NR3C1: variants seen among roughly 807,000 people sequenced by gnomAD.
NR3C1 encodes the protein nuclear receptor subfamily 3 group C member 1, also known as glucocorticoid receptor.
In NR3C1, 14 loss-of-function variants were observed where a neutral mutation model predicts 74.0. That is an observed-to-expected ratio of 0.19 (90% CI 0.12 to 0.30). The LOEUF is 0.30. Among genes scored for constraint, NR3C1 ranks in the 10% least tolerant of loss-of-function variants. The probability of loss-of-function intolerance (pLI) is 1.00; values close to 1 mark genes in which losing one functional copy is unlikely to be tolerated. For synonymous variants in NR3C1, 308 were observed against 332.5 expected (o/e 0.93, Z 0.80); for missense variants, 695 against 909.8 (o/e 0.76, Z 3.04).
At chr5:143,303,458 C>T (rs892673670) in intron 4 of NR3C1, among the ~76,000 whole-genome samples, 2 of 151,892 alleles carry the variant, frequency 1.3e-5, no homozygotes, top group African/African-American at 2.4e-5. Flanking sequence ...TTAAAAAAAG[C>T]CCTTGACCAG....
chr5:143,313,365 C>T (rs141133990), intron 3 of NR3C1, among the ~76,000 whole-genome samples: 6 of 152,274 alleles, frequency 3.9e-5, no homozygotes, highest in South Asian at 2.1e-4. Flanking sequence ...AAATCAGTTT[C>T]TCTAAAATAC....
At chr5:143,394,691 T>C (rs1471434342) in intron 2 of NR3C1, among the ~76,000 whole-genome samples, 1 of 151,958 alleles carries the variant, frequency 6.6e-6, no homozygotes, top group Non-Finnish European at 1.5e-5. Flanking sequence ...ACAACATAAC[T>C]CAAAAATTAG....
At position 143,332,767 on chromosome 5, in the gene NR3C1, T is replaced by C. The variant is rs200295691; in HGVS notation, c.1185-18599A>G. On this transcript the variant is annotated intron_variant, in intron 2 of 8. Coordinates refer to ENST00000394464, the MANE Select transcript of NR3C1 (RefSeq NM_000176.3). The stretch of plus-strand genomic sequence containing the variant: ...CCAGATAAACATTCCTTGGCCTTTG[T>C]TGTACGCATCGAAAGGATTGATGGC... The C allele has an allele frequency of 1.0e-4, 165 of 1,586,250 alleles. 1 individual carries two copies. The East Asian group carries it at 3.5e-3, about 34-fold the overall frequency.
At chr5:143,432,560 G>C (rs1017217446) in intron 1 of NR3C1, among the ~76,000 whole-genome samples, 2 of 152,152 alleles carry the variant, frequency 1.3e-5, no homozygotes, top group East Asian at 1.9e-4. Context: ...TCTTTAAAAG[G>C]CTGAGGTAAA....
At chr5:143,428,806 G>A (rs868627519) in intron 1 of NR3C1, among the ~76,000 whole-genome samples, 8 of 152,182 alleles carry the variant, frequency 5.3e-5, no homozygotes, top group African/African-American at 1.9e-4. Context: ...GCAAAGCAAT[G>A]TGAGTGGGGG....
chr5:143,366,201 T>G (rs1833140103), intron 2 of NR3C1, among the ~76,000 whole-genome samples: 1 of 150,290 alleles, frequency 6.7e-6, no homozygotes, highest in Non-Finnish European at 1.5e-5. Flanking sequence ...AACAATAGAG[T>G]AGGTCAACAA....
intron 2 of NR3C1, among the ~76,000 whole-genome samples, chr5:143,346,063 G>A (rs1292684866): frequency 6.6e-5 from 10 of 152,294 alleles, no homozygotes; most frequent in Middle Eastern, 3.4e-3. Flanking sequence ...AACATACAAT[G>A]TTATGACTTT....
chr5:143,338,392 T>C (rs1416874917), intron 2 of NR3C1, among the ~76,000 whole-genome samples: 3 of 151,794 alleles, frequency 2.0e-5, no homozygotes, highest in Non-Finnish European at 4.4e-5. Flanking sequence ...GGTCTTTCAG[T>C]AGGTATATCA....
Position 143,314,260 on chromosome 5 carries a change from TCA to T in NR3C1, c.1185-94_1185-93del, listed in dbSNP as rs148851721. 1,097 of 1,364,120 alleles carry T rather than the reference TCA, an allele frequency of 8.0e-4. 14 individuals are homozygous for T. In the East Asian group the frequency reaches 0.018, roughly 23 times the overall value. The allele number at this position is 1,364,120 out of a possible 1,614,324, so 84.5% of individuals were successfully genotyped here. ...GCTTCTCACTTCATAGTCAGAATGC[TCA>T]CAGTGAACTCTGGCTTCAAGTGCTA... On this transcript the variant is annotated intron_variant, in intron 2 of 8. Transcript: ENST00000394464.
At position 143,358,420 on chromosome 5, in the gene NR3C1, A is replaced by G. The variant is rs542716386; in HGVS notation, c.1184+41236T>C. On this transcript the variant is annotated intron_variant, in intron 2 of 8. Coordinates refer to ENST00000394464, the MANE Select transcript of NR3C1 (RefSeq NM_000176.3). ...ATGAATATGATAGCATCCTTTGAAC[A>G]CTTTTGCCATTATAACCATCTAATA... 1.5e-4 allele frequency among the ~76,000 whole-genome samples: 23 copies of G among 152,354 alleles called. No homozygotes were observed. The East Asian group carries it at 4.4e-3, about 29-fold the overall frequency.
intron 2 of NR3C1, among the ~76,000 whole-genome samples, chr5:143,316,978 T>C (rs1361741266): frequency 2.0e-5 from 3 of 152,140 alleles, no homozygotes; most frequent in Admixed American, 2.0e-4. Flanking sequence ...GATAGTACAG[T>C]AGCTGAAAAT....
intron 2 of NR3C1, among the ~76,000 whole-genome samples, chr5:143,324,050 T>C (rs1453904473): frequency 1.3e-5 from 2 of 152,152 alleles, no homozygotes; most frequent in African/African-American, 4.8e-5. Context: ...GCATTGAGTG[T>C]CTGTGGCTTT....
intron 2 of NR3C1, among the ~76,000 whole-genome samples, chr5:143,383,283 G>C (rs1836577604): frequency 6.6e-6 from 1 of 152,158 alleles, no homozygotes; most frequent in African/African-American, 2.4e-5. Context: ...TACAGTTCCA[G>C]TTTTCCCTAA....
chr5:143,286,612 A>T (rs2151492366), intron 7 of NR3C1, among the ~76,000 whole-genome samples: 1 of 152,250 alleles, frequency 6.6e-6, no homozygotes, highest in East Asian at 1.9e-4. Context: ...GCAAGTCACA[A>T]GGGTCAACTA....
intron 2 of NR3C1, among the ~76,000 whole-genome samples, chr5:143,383,555 C>A (rs1490718326): frequency 6.6e-6 from 1 of 152,124 alleles, no homozygotes; most frequent in African/African-American, 2.4e-5. Context: ...TCTGTGGCTG[C>A]CAGAGGATAC....
chr5:143,334,997 A>C (rs1400276137), intron 2 of NR3C1, among the ~76,000 whole-genome samples: 1 of 152,226 alleles, frequency 6.6e-6, no homozygotes, highest in Non-Finnish European at 1.5e-5. Context: ...ACCTGAAAAG[A>C]AGAAGAAACA....
chr5:143,277,971 A>ATTTG lies in NR3C1; in HGVS notation c.*3914_*3917dup, dbSNP rs887758219. 2.8e-4 allele frequency: 42 copies of ATTTG among 152,288 alleles called. No individual in the cohort carries two copies. Among genetic ancestry groups the ATTTG allele is most frequent in the African/African-American group, 1.0e-3 (42 of 41,564 alleles). The allele number at this position is 152,288 out of a possible 1,614,324, so 9.4% of individuals were successfully genotyped here. ...TTTTTTTATTATGATGTTTCTCCAT[A>ATTTG]TTTGGCATTGCTGTAAATGGCTAAC... is the stretch of plus-strand genomic sequence containing the variant. On this transcript the variant is annotated 3_prime_UTR_variant, in exon 9 of 9. Coordinates refer to ENST00000394464, the MANE Select transcript of NR3C1 (RefSeq NM_000176.3).
At chr5:143,414,145 TTGA>T (rs1281674376) in intron 1 of NR3C1, among the ~76,000 whole-genome samples, 1 of 152,216 alleles carries the variant, frequency 6.6e-6, no homozygotes, top group Non-Finnish European at 1.5e-5. Flanking sequence ...CACAAATGAA[TTGA>T]TGATTGCTTT....
intron 7 of NR3C1, among the ~76,000 whole-genome samples, chr5:143,292,979 G>C (rs1341506628): frequency 1.3e-5 from 2 of 152,112 alleles, no homozygotes; most frequent in Non-Finnish European, 2.9e-5. Context: ...AGTACCTACA[G>C]ATTTCCCTTG....
Sources: gnomAD v4.1 joint callset for allele counts (sites outside exome capture counted in the v4.1 genomes callset) on GRCh38, gnomAD v4.1.1 for gene constraint, MANE v1.5 for transcripts, NCBI Gene and HGNC (gene_info 2026-07-23, HGNC 2026-07-21) for gene names.